Variants in MAF observed in about 807,000 individuals in gnomAD.
MAF encodes the protein MAF bZIP transcription factor.
Under a neutral mutation model 22.0 loss-of-function variants are expected in MAF, and 10 were observed. The ratio of observed to expected loss-of-function variants is 0.45; its 90% CI spans 0.28 to 0.77. MAF has a LOEUF of 0.77. Ranked by LOEUF, MAF falls within the 30% of genes least tolerant of loss-of-function variation. MAF has a pLI of 0.12. For missense variants in MAF, 544 were observed against 548.4 expected (o/e 0.99, Z 0.08); for synonymous variants, 337 against 255.8 (o/e 1.32, Z -3.03).
At chr16:79,331,181 T>C in the MAF span, among the ~76,000 whole-genome samples, 5 of 152,198 alleles carry the variant, frequency 3.3e-5, no homozygotes, top group African/African-American at 4.8e-5. Flanking sequence ...AATGCAGGCC[T>C]AATCCCACAT....
the MAF span, among the ~76,000 whole-genome samples, chr16:79,579,576 G>A: frequency 1.3e-5 from 2 of 152,142 alleles, no homozygotes; most frequent in East Asian, 1.9e-4. Flanking sequence ...AAGGAAAAAG[G>A]GAAAGAAAAG....
At chr16:79,517,020 GT>G in the MAF span, among the ~76,000 whole-genome samples, 1 of 152,042 alleles carries the variant, frequency 6.6e-6, no homozygotes, top group African/African-American at 2.4e-5. Flanking sequence ...GGAACCCCAA[GT>G]TTTTTTATTT....
the MAF span, among the ~76,000 whole-genome samples, chr16:79,357,355 C>G: frequency 2.4e-3 from 368 of 152,292 alleles, no homozygotes; most frequent in Non-Finnish European, 4.3e-3. Flanking sequence ...GAGGCTGAGG[C>G]AGGAGAGTTG....
intron 1 of MAF, chr16:79,598,465 A>AAC (rs1913711652): frequency 2.3e-6 from 3 of 1,297,012 alleles, no homozygotes; most frequent in Non-Finnish European, 3.0e-6. Flanking sequence ...TAAAAAAAAA[A>AAC]AAAAAACAAG....
the MAF span, among the ~76,000 whole-genome samples, chr16:79,523,555 C>T: frequency 1.3e-5 from 2 of 152,144 alleles, no homozygotes; most frequent in Non-Finnish European, 2.9e-5. Flanking sequence ...TACAACTGGA[C>T]AGGTAAATGA....
chr16:79,309,640 C>A, the MAF span, among the ~76,000 whole-genome samples: 1 of 152,262 alleles, frequency 6.6e-6, no homozygotes, highest in East Asian at 1.9e-4. Context: ...CATAGTGCAA[C>A]AATCTCTGAG....
At chr16:79,210,642 A>C in the MAF span, among the ~76,000 whole-genome samples, 5 of 152,182 alleles carry the variant, frequency 3.3e-5, no homozygotes, top group Non-Finnish European at 7.4e-5. Context: ...AAGATGCCAG[A>C]TAAACTGTAT....
the MAF span, among the ~76,000 whole-genome samples, chr16:79,542,084 G>A: frequency 1.3e-3 from 203 of 152,268 alleles, 1 homozygote; most frequent in African/African-American, 4.3e-3. Flanking sequence ...GACTCCAAGC[G>A]TTTCAGTCTT....
chr16:79,373,120 A>G, the MAF span, among the ~76,000 whole-genome samples: 1 of 152,126 alleles, frequency 6.6e-6, no homozygotes, highest in Admixed American at 6.5e-5. Flanking sequence ...TAAACTCTGT[A>G]AGGGGAGGGT....
the MAF span, among the ~76,000 whole-genome samples, chr16:79,520,064 T>A: frequency 6.6e-6 from 1 of 152,136 alleles, no homozygotes; most frequent in Non-Finnish European, 1.5e-5. Context: ...GGTCAAAAGG[T>A]TCGCATAGGT....
intron 1 of MAF, chr16:79,598,336 G>C: frequency 5.4e-6 from 6 of 1,115,300 alleles, no homozygotes; most frequent in Non-Finnish European, 6.6e-6. Flanking sequence ...GAACTGAAGG[G>C]GAAGAAGAAG....
chr16:79,542,383 T>C, the MAF span, among the ~76,000 whole-genome samples: 23 of 152,144 alleles, frequency 1.5e-4, no homozygotes, highest in African/African-American at 5.6e-4. Context: ...GGTGAGTAAG[T>C]GCCTGTTGGA....
the MAF span, among the ~76,000 whole-genome samples, chr16:79,300,393 A>C: frequency 6.6e-6 from 1 of 152,088 alleles, no homozygotes; most frequent in Non-Finnish European, 1.5e-5. Flanking sequence ...CGTCTCTACT[A>C]AAAATACAAA....
the MAF span, among the ~76,000 whole-genome samples, chr16:79,552,503 C>A: frequency 6.6e-6 from 1 of 152,198 alleles, no homozygotes; most frequent in Non-Finnish European, 1.5e-5. Flanking sequence ...GCCACCTGTT[C>A]TCCCTTCTTA....
At chr16:79,383,449 G>C in the MAF span, among the ~76,000 whole-genome samples, 6 of 152,084 alleles carry the variant, frequency 3.9e-5, no homozygotes, top group African/African-American at 1.4e-4. Context: ...CTATATGATG[G>C]TAAACTTTAT....
chr16:79,258,655 C>T, the MAF span, among the ~76,000 whole-genome samples: 2 of 152,204 alleles, frequency 1.3e-5, no homozygotes, highest in Non-Finnish European at 2.9e-5. Context: ...CAAGGGGCCA[C>T]CTGCCCCTGA....
At chr16:79,529,577 GA>G in the MAF span, among the ~76,000 whole-genome samples, 1 of 152,130 alleles carries the variant, frequency 6.6e-6, no homozygotes, top group East Asian at 1.9e-4. Context: ...GAGTTAAAAG[GA>G]ACAATTTATG....
At chr16:79,423,525 C>T in the MAF span, among the ~76,000 whole-genome samples, 1 of 152,190 alleles carries the variant, frequency 6.6e-6, no homozygotes, top group Non-Finnish European at 1.5e-5. Flanking sequence ...TGAACTACAG[C>T]CTGTGGGCCA....
the MAF span, among the ~76,000 whole-genome samples, chr16:79,258,441 G>A: frequency 2.6e-5 from 4 of 152,300 alleles, no homozygotes; most frequent in South Asian, 6.2e-4. Flanking sequence ...ACTGTTCCAG[G>A]GAGAGCCTTG....
Sources: allele counts gnomAD v4.1 joint callset (sites outside exome capture counted in the v4.1 genomes callset), GRCh38; gene constraint gnomAD v4.1.1; transcripts MANE v1.5; gene names NCBI Gene and HGNC (gene_info 2026-07-23, HGNC 2026-07-21).